Variants in SPAST observed in about 807,000 individuals in gnomAD.
SPAST encodes spastic paraplegia 4 (autosomal dominant; spastin).
In SPAST, 30 loss-of-function variants were observed where a neutral mutation model predicts 76.6. The observed-to-expected ratio is 0.39, with a 90% CI of 0.29 to 0.53. SPAST has a LOEUF of 0.53. Among genes scored for constraint, SPAST ranks in the 20% least tolerant of loss-of-function variants. The probability of loss-of-function intolerance (pLI) is 0.68; values close to 1 mark genes in which losing one functional copy is unlikely to be tolerated. For synonymous variants in SPAST, 305 were observed against 281.0 expected (o/e 1.09, Z -0.86); for missense variants, 717 against 770.5 (o/e 0.93, Z 0.82).
intron 3 of SPAST, among the ~76,000 whole-genome samples, chr2:32,090,094 T>C (rs1449083803): frequency 6.6e-6 from 1 of 152,250 alleles, no homozygotes; most frequent in African/African-American, 2.4e-5. Flanking sequence ...TATTCTTCTC[T>C]CAGCTTTGAT....
chr2:32,136,252 C>A lies in SPAST; in HGVS notation c.1246-311C>A, dbSNP rs142055383. The stretch of plus-strand genomic sequence containing the variant: ...AATATGTACAATGTCTTTTTCTCTC[C>A]CCTAGTCTTCCCCTTTTCTCACTAG... On this transcript the variant is annotated intron_variant, in intron 9 of 16. Coordinates refer to ENST00000315285, the MANE Select transcript of SPAST (RefSeq NM_014946.4). Among the ~76,000 whole-genome samples, 1,356 of 152,130 alleles carry A rather than the reference C, an allele frequency of 8.9e-3. 23 individuals are homozygous for A. Among genetic ancestry groups the A allele is most frequent in the South Asian group, 0.049 (236 of 4,816 alleles).
At chr2:32,102,968 A>G (rs1678185187) in intron 4 of SPAST, among the ~76,000 whole-genome samples, 1 of 152,202 alleles carries the variant, frequency 6.6e-6, no homozygotes, top group Non-Finnish European at 1.5e-5. Context: ...TATCAGGATG[A>G]TGCTGGCCTC....
chr2:32,147,507 G>A (rs1032194414), intron 16 of SPAST, among the ~76,000 whole-genome samples: 1 of 151,700 alleles, frequency 6.6e-6, no homozygotes, highest in Non-Finnish European at 1.5e-5. Flanking sequence ...AGTAGAGAGG[G>A]CATTTCACCA....
At chr2:32,078,527 C>G (rs1299374488) in intron 1 of SPAST, among the ~76,000 whole-genome samples, 1 of 152,138 alleles carries the variant, frequency 6.6e-6, no homozygotes, top group Non-Finnish European at 1.5e-5. Flanking sequence ...GTGCATGTCT[C>G]TAGTCCCAGC....
chr2:32,104,329 T>G (rs1054840292), intron 4 of SPAST, among the ~76,000 whole-genome samples: 8 of 152,204 alleles, frequency 5.3e-5, no homozygotes. Context: ...TCCCTTTATT[T>G]TGAGCCTATG....
Position 32,063,959 on chromosome 2 carries a change from A to T in SPAST, c.128A>T (p.Glu43Val). The T allele has an allele frequency of 6.2e-7, 1 of 1,611,338 alleles. No individual in the cohort carries two copies. The highest frequency in any genetic ancestry group is 8.5e-7 in the Non-Finnish European group (1 of 1,178,696). ...PPAAGPAPPP[E>V]SPHKRNLYYF... ...GCCGCCGGGCCGGCCCCTCCGCCCG[A>T]GTCGCCGCATAAGCGGAACCTGTAC... is the stretch of plus-strand genomic sequence containing the variant. Residue 43 changes from glutamate to valine, a missense_variant, in exon 1 of 17, where the codon GAG becomes GTG. Glu to Val is a moderately radical substitution (Grantham distance 121). Around this residue, in one of 3 missense-constraint regions of SPAST, gnomAD observed 543 missense variants for 445.2 expected, o/e 1.22. Coordinates refer to ENST00000315285, the MANE Select transcript of SPAST (RefSeq NM_014946.4).
intron 1 of SPAST, among the ~76,000 whole-genome samples, chr2:32,079,495 G>C: frequency 7.0e-6 from 1 of 143,230 alleles, no homozygotes; most frequent in Non-Finnish European, 1.5e-5. Flanking sequence ...GACAGAGCGA[G>C]ACCCAGTCTA....
At chr2:32,131,712 G>C (rs1679375015) in intron 9 of SPAST, among the ~76,000 whole-genome samples, 1 of 135,040 alleles carries the variant, frequency 7.4e-6, no homozygotes, top group South Asian at 2.4e-4. Context: ...TCTTGCTCTG[G>C]AGTGCAGTGG....
chr2:32,069,146 G>A (rs1199336026), intron 1 of SPAST, among the ~76,000 whole-genome samples: 1 of 138,196 alleles, frequency 7.2e-6, no homozygotes, highest in Non-Finnish European at 1.6e-5. Context: ...TCCAGAGGTG[G>A]AGATTGCGGT....
intron 4 of SPAST, among the ~76,000 whole-genome samples, chr2:32,111,672 G>T (rs1678614524): frequency 6.7e-6 from 1 of 148,692 alleles, no homozygotes; most frequent in African/African-American, 2.5e-5. Flanking sequence ...TCTTTTCTCT[G>T]TTTAATTTGC....
Position 32,147,268 on chromosome 2 carries a change from T to A in SPAST, c.1728+10T>A. ...TATGTCTGCCAGTGAGGTATAGTAT[T>A]TTACAATGATATTTTCTTTGTCTTC... On this transcript the variant is annotated intron_variant, in intron 16 of 16. Coordinates refer to ENST00000315285, the MANE Select transcript of SPAST (RefSeq NM_014946.4). The A allele has an allele frequency of 6.3e-7, 1 of 1,577,756 alleles. No individual in the cohort carries two copies. Among genetic ancestry groups the A allele is most frequent in the Non-Finnish European group, 8.7e-7 (1 of 1,147,514 alleles).
At chr2:32,136,777 A>T (rs1441402163) in intron 10 of SPAST, 100 bp from the exon 11 acceptor site, 2 of 1,192,142 alleles carry the variant, frequency 1.7e-6, no homozygotes, top group Admixed American at 1.8e-5. Flanking sequence ...TAATGAATTT[A>T]GTAGGACCCA....
Position 32,143,337 on chromosome 2 carries a change from C to G in SPAST, c.1538C>G (p.Thr513Arg). Residue 513 changes from threonine (T) to arginine (R), a missense_variant and splice_region_variant, in exon 14 of 17, where the codon ACA becomes AGA. Physicochemically the swap from Thr to Arg is moderately conservative, Grantham distance 71. Coordinates refer to ENST00000315285, the MANE Select transcript of SPAST (RefSeq NM_014946.4). ...TGATCATTTTTTAATATTTTTCAGA[C>G]AAGACTACTTTTGCTTAAAAATCTG... ...RVYVSLPNEETRLLLLKNLLC... is the reference protein window; with the variant it reads ...RVYVSLPNEERRLLLLKNLLC... The G allele has an allele frequency of 6.5e-7, 1 of 1,544,754 alleles. No individual in the cohort carries two copies. The highest frequency in any genetic ancestry group is 8.9e-7 in the Non-Finnish European group (1 of 1,118,678).
chr2:32,131,244 A>T (rs968699538), intron 9 of SPAST, among the ~76,000 whole-genome samples: 1 of 152,178 alleles, frequency 6.6e-6, no homozygotes, highest in Non-Finnish European at 1.5e-5. Context: ...TATTCTTCAG[A>T]TACCAGTTGA....
At chr2:32,151,898 C>T (rs183672876) in intron 16 of SPAST, among the ~76,000 whole-genome samples, 6 of 147,302 alleles carry the variant, frequency 4.1e-5, no homozygotes, top group Non-Finnish European at 7.4e-5. Flanking sequence ...GCGACAGGAG[C>T]GAGACTCCAT....
chr2:32,152,253 A>G (rs887016817), intron 16 of SPAST, among the ~76,000 whole-genome samples: 1 of 152,120 alleles, frequency 6.6e-6, no homozygotes, highest in Non-Finnish European at 1.5e-5. Flanking sequence ...TTAAAGTACA[A>G]TTACATCAAC....
At chr2:32,108,553 TC>T (rs1197757180) in intron 4 of SPAST, among the ~76,000 whole-genome samples, 1 of 151,976 alleles carries the variant, frequency 6.6e-6, no homozygotes, top group Non-Finnish European at 1.5e-5. Context: ...TCTGACTCTT[TC>T]TCCCAGGCTG....
At chr2:32,126,140 C>T (rs1462233606) in intron 7 of SPAST, among the ~76,000 whole-genome samples, 5 of 152,144 alleles carry the variant, frequency 3.3e-5, no homozygotes, top group Admixed American at 1.3e-4. Flanking sequence ...CTTACTACTG[C>T]TTTCTGTGGT....
chr2:32,075,954 G>T (rs1479356886), intron 1 of SPAST, among the ~76,000 whole-genome samples: 1 of 133,804 alleles, frequency 7.5e-6, no homozygotes, highest in Non-Finnish European at 1.5e-5. Context: ...AGGCTGAAGT[G>T]CAGTGGTGTG....
Sources: allele counts gnomAD v4.1 joint callset (sites outside exome capture counted in the v4.1 genomes callset), GRCh38; gene constraint gnomAD v4.1.1; regional missense constraint gnomAD v4.1.1; transcripts MANE v1.5; gene names NCBI Gene and HGNC (gene_info 2026-07-23, HGNC 2026-07-21).